GALNT14: variants seen among roughly 807,000 people sequenced by gnomAD.
The protein encoded by GALNT14 is polypeptide N-acetylgalactosaminyltransferase 14.
GALNT14 carries 60 observed loss-of-function variants against 77.5 expected under a neutral mutation model. The observed-to-expected ratio is 0.77, with a 90% CI of 0.63 to 0.96. The LOEUF is 0.96. GALNT14 is among the 40% of genes least tolerant of loss of function. The pLI is 0.00. For synonymous variants in GALNT14, 280 were observed against 281.7 expected, an observed-to-expected ratio of 0.99 and a Z score of 0.06; for missense variants, 710 against 731.0, an observed-to-expected ratio of 0.97 and a Z score of 0.33.
the GALNT14 span, among the ~76,000 whole-genome samples, chr2:30,904,895 C>G: frequency 6.6e-6 from 1 of 151,850 alleles, no homozygotes; most frequent in Non-Finnish European, 1.5e-5. Context: ...TCAAGTGGGT[C>G]CCTGACCCCT....
the GALNT14 span, among the ~76,000 whole-genome samples, chr2:30,905,302 G>C: frequency 6.6e-6 from 1 of 151,898 alleles, no homozygotes; most frequent in Non-Finnish European, 1.5e-5. Flanking sequence ...CAAAGAAGTG[G>C]AAAACTTTGA....
intron 1 of GALNT14, among the ~76,000 whole-genome samples, chr2:31,113,825 A>G (rs905622503): frequency 4.6e-5 from 7 of 152,196 alleles, no homozygotes; most frequent in Non-Finnish European, 1.0e-4. Context: ...AGGTGGGGGG[A>G]AAGTCTCTTG....
chr2:30,958,455 G>A lies in GALNT14; in HGVS notation c.408C>T (p.Asn136=). 1 of 1,613,932 alleles carries A rather than the reference G, an allele frequency of 6.2e-7. No homozygotes were observed. The highest frequency in any genetic ancestry group is 1.3e-5 in the African/African-American group (1 of 75,038). ...TLLRTIRSVL[N]RTPTHLIREI... ...CCCGGATCAGATGCGTAGGGGTGCGGTTTAATACACTGCAAGATGGAAACA... is the reference window on the plus strand; with the variant it reads ...CCCGGATCAGATGCGTAGGGGTGCGATTTAATACACTGCAAGATGGAAACA... The change falls in exon 4 of 15, where the codon AAC becomes AAT. Residue 136 remains asparagine, a synonymous_variant. Transcript: ENST00000349752.
intron 2 of GALNT14, among the ~76,000 whole-genome samples, chr2:30,978,997 T>A (rs1173079162): frequency 6.6e-6 from 1 of 152,048 alleles, no homozygotes; most frequent in Admixed American, 6.5e-5. Flanking sequence ...GCATCCTGAA[T>A]AGAGAAAGCA....
chr2:30,988,725 C>A (rs1209183585), intron 2 of GALNT14, among the ~76,000 whole-genome samples: 1 of 152,146 alleles, frequency 6.6e-6, no homozygotes, highest in East Asian at 1.9e-4. Context: ...TAAACTTGAG[C>A]CGGCATCAGA....
At chr2:30,912,815 C>T (rs1572954080) in intron 13 of GALNT14, among the ~76,000 whole-genome samples, 1 of 152,024 alleles carries the variant, frequency 6.6e-6, no homozygotes, top group East Asian at 1.9e-4. Flanking sequence ...GTGTCCAGAG[C>T]ACATGAGACT....
chr2:31,078,348 G>A (rs1488905225), intron 1 of GALNT14, among the ~76,000 whole-genome samples: 1 of 152,208 alleles, frequency 6.6e-6, no homozygotes, highest in Non-Finnish European at 1.5e-5. Context: ...AACATTAGAC[G>A]ATCATAAGTT....
At chr2:31,084,430 T>C (rs942837773) in intron 1 of GALNT14, among the ~76,000 whole-genome samples, 1 of 152,172 alleles carries the variant, frequency 6.6e-6, no homozygotes, top group Non-Finnish European at 1.5e-5. Flanking sequence ...GGAAGAGCCT[T>C]CTTTGGACCA....
At chr2:31,039,695 T>C (rs1009889428) in intron 1 of GALNT14, among the ~76,000 whole-genome samples, 7 of 152,036 alleles carry the variant, frequency 4.6e-5, no homozygotes, top group African/African-American at 1.7e-4. Context: ...TTTTTTTTTC[T>C]TTAGTTCTAC....
At chr2:30,940,234 C>G (rs921492273) in intron 9 of GALNT14, among the ~76,000 whole-genome samples, 3 of 152,164 alleles carry the variant, frequency 2.0e-5, no homozygotes, top group Non-Finnish European at 4.4e-5. Context: ...GAGTCGGAAG[C>G]CAGCTAGATG....
At chr2:30,960,141 G>T (rs1015895206) in intron 3 of GALNT14, among the ~76,000 whole-genome samples, 14 of 152,088 alleles carry the variant, frequency 9.2e-5, no homozygotes. Context: ...CTCTGTCTTC[G>T]GGAGCTCATG....
chr2:31,087,536 A>AGAGGAGAAG (rs1160670621), intron 1 of GALNT14, among the ~76,000 whole-genome samples: 19 of 150,332 alleles, frequency 1.3e-4, no homozygotes, highest in South Asian at 4.2e-4. Flanking sequence ...CGAGGAGAGG[A>AGAGGAGAAG]AGACCTCTAG....
At chr2:31,115,151 G>A (rs561957434) in intron 1 of GALNT14, among the ~76,000 whole-genome samples, 55 of 152,116 alleles carry the variant, frequency 3.6e-4, no homozygotes, top group Non-Finnish European at 6.2e-4. Context: ...TTGGGAGGTT[G>A]AGGCAGGAAA....
intron 2 of GALNT14, among the ~76,000 whole-genome samples, chr2:30,971,751 A>G (rs1668369138): frequency 6.7e-6 from 1 of 148,772 alleles, no homozygotes; most frequent in Non-Finnish European, 1.5e-5. Context: ...TCACCCCCAC[A>G]ACACCCCCCA....
chr2:31,054,872 C>G (rs1444930499), intron 1 of GALNT14, among the ~76,000 whole-genome samples: 2 of 152,078 alleles, frequency 1.3e-5, no homozygotes, highest in African/African-American at 4.8e-5. Flanking sequence ...AACATCAGAG[C>G]CATTTATTTA....
chr2:31,106,239 A>T (rs1372859081), intron 1 of GALNT14, among the ~76,000 whole-genome samples: 2 of 152,158 alleles, frequency 1.3e-5, no homozygotes, highest in East Asian at 3.9e-4. Flanking sequence ...AGATCATGAA[A>T]GCCTTCCTAA....
intron 1 of GALNT14, among the ~76,000 whole-genome samples, chr2:31,061,143 T>C (rs1674565999): frequency 6.6e-6 from 1 of 151,984 alleles, no homozygotes; most frequent in Non-Finnish European, 1.5e-5. Context: ...TTACCAGACA[T>C]CCCATTTGGA....
intron 11 of GALNT14, among the ~76,000 whole-genome samples, chr2:30,925,395 C>T (rs921026254): frequency 6.6e-6 from 1 of 152,172 alleles, no homozygotes; most frequent in Admixed American, 6.5e-5. Context: ...CATCACAGCC[C>T]AGGTGACATA....
the GALNT14 span, among the ~76,000 whole-genome samples, chr2:30,898,358 C>G: frequency 6.6e-6 from 1 of 152,212 alleles, no homozygotes; most frequent in African/African-American, 2.4e-5. Flanking sequence ...CTCACAGACC[C>G]TGCCCTCCGC....
Sources: gnomAD v4.1 joint callset for allele counts (sites outside exome capture counted in the v4.1 genomes callset) on GRCh38, gnomAD v4.1.1 for gene constraint, MANE v1.5 for transcripts, NCBI Gene and HGNC (gene_info 2026-07-23, HGNC 2026-07-21) for gene names.